The following RANBP9 variants were observed in gnomAD, a reference collection of about 807,000 sequenced individuals.
RANBP9 encodes RAN binding protein 9, also known as ran-binding protein 9.
Under a neutral mutation model 84.3 loss-of-function variants are expected in RANBP9, and 15 were observed. The ratio of observed to expected loss-of-function variants is 0.18; its 90% CI spans 0.12 to 0.27. The LOEUF (loss-of-function observed/expected upper bound fraction) is 0.27, where lower values mean the gene tolerates loss of function less well. Among genes scored for constraint, RANBP9 ranks in the 10% least tolerant of loss-of-function variants. The probability of loss-of-function intolerance (pLI) is 1.00; values close to 1 mark genes in which losing one functional copy is unlikely to be tolerated. For synonymous variants in RANBP9, 392 were observed against 349.6 expected, an observed-to-expected ratio of 1.12 and a Z score of -1.35; for missense variants, 809 against 912.8, an observed-to-expected ratio of 0.89 and a Z score of 1.46.
At chr6:13,634,746 C>A (rs909934861) in intron 10 of RANBP9, among the ~76,000 whole-genome samples, 194 bp from the exon 11 acceptor site, 1 of 152,072 alleles carries the variant, frequency 6.6e-6, no homozygotes, top group Non-Finnish European at 1.5e-5. Context: ...CAAATTTGTA[C>A]CCCCGGAGGT....
chr6:13,682,275 C>T (rs916091297), intron 2 of RANBP9, among the ~76,000 whole-genome samples: 1 of 151,494 alleles, frequency 6.6e-6, no homozygotes, highest in African/African-American at 2.4e-5. Flanking sequence ...GTAAGTGAAA[C>T]TAGTATATAT....
At chr6:13,702,165 G>C (rs970975957) in intron 1 of RANBP9, among the ~76,000 whole-genome samples, 4 of 152,188 alleles carry the variant, frequency 2.6e-5, no homozygotes, top group Admixed American at 6.5e-5. Context: ...TAACAAGGCT[G>C]GGCGCAGTGG....
chr6:13,700,218 C>T (rs562686625), intron 1 of RANBP9, among the ~76,000 whole-genome samples: 2 of 152,170 alleles, frequency 1.3e-5, no homozygotes, highest in Non-Finnish European at 2.9e-5. Context: ...CCCTTCCAGT[C>T]GCCAACATGC....
At chr6:13,673,805 T>C (rs1759199111) in intron 2 of RANBP9, among the ~76,000 whole-genome samples, 1 of 152,060 alleles carries the variant, frequency 6.6e-6, no homozygotes, top group Non-Finnish European at 1.5e-5. Context: ...AATCAGACAA[T>C]GGGCTAGGCA....
chr6:13,702,512 T>G (rs548376785), intron 1 of RANBP9, among the ~76,000 whole-genome samples: 1 of 152,196 alleles, frequency 6.6e-6, no homozygotes, highest in African/African-American at 2.4e-5. Flanking sequence ...AATATAGTAT[T>G]TTCATTTAAT....
intron 1 of RANBP9, among the ~76,000 whole-genome samples, chr6:13,710,261 A>C (rs1758239234): frequency 6.6e-6 from 1 of 152,182 alleles, no homozygotes. Context: ...TTCATGTGAT[A>C]TCAACACCTA....
At chr6:13,641,356 A>G (rs1471216823) in intron 7 of RANBP9, 49 bp from the exon 8 acceptor site, 1 of 1,160,156 alleles carries the variant, frequency 8.6e-7, no homozygotes, top group African/African-American at 1.6e-5. Context: ...AAGTAGATAA[A>G]ACATAAACTT....
intron 10 of RANBP9, among the ~76,000 whole-genome samples, chr6:13,635,832 C>CA (rs1336424484): frequency 2.0e-5 from 3 of 148,374 alleles, no homozygotes; most frequent in African/African-American, 7.4e-5. Context: ...TTTGATAACT[C>CA]AGTTTAGTAT....
At chr6:13,687,326 A>T (rs1766213383) in intron 2 of RANBP9, among the ~76,000 whole-genome samples, 1 of 152,124 alleles carries the variant, frequency 6.6e-6, no homozygotes, top group African/African-American at 2.4e-5. Flanking sequence ...CATCTTCTTT[A>T]AAGATCCACT....
chr6:13,634,533 T>C lies in RANBP9; in HGVS notation c.1693A>G (p.Thr565Ala). The C allele has an allele frequency of 6.2e-7, 1 of 1,610,866 alleles. No individual in the cohort carries two copies. The highest frequency in any genetic ancestry group is 8.5e-7 in the Non-Finnish European group (1 of 1,178,028). Residue 565 changes from threonine (T) to alanine (A), a missense_variant, in exon 11 of 14, where the codon ACA (threonine) becomes GCA (alanine). This residue lies in a region of RANBP9 where 233 missense variants were observed against 234.4 expected (regional missense o/e 0.99). Transcript: ENST00000011619. ...CCAACTCCATTGGAGTAGTGATCTG[T>C]TTCCATGTCTACATCATTACTGAAA... The part of the protein sequence containing the change: ...NFTSNDVDME[T>A]DHYSNGVGET...
In RANBP9 at chr6:13,697,791, C is replaced by G. The variant is rs143438869; in HGVS notation, c.572-895G>C. On this transcript the variant is annotated intron_variant, in intron 1 of 13. Transcript: ENST00000011619. The stretch of plus-strand genomic sequence containing the variant: ...AAGTACTCATAGAGTATGAGTGAGA[C>G]AAGTCTCCATATCCCCAAAAGGACT... Among the ~76,000 whole-genome samples, 507 of 152,296 alleles carry G rather than the reference C, an allele frequency of 3.3e-3. 2 individuals are homozygous for G. Among genetic ancestry groups the G allele is most frequent in the African/African-American group, 0.012 (493 of 41,554 alleles).
intron 4 of RANBP9, among the ~76,000 whole-genome samples, chr6:13,654,080 C>CA (rs1765350790): frequency 1.3e-5 from 2 of 152,004 alleles, no homozygotes. Flanking sequence ...CTATCTTTAG[C>CA]AAAAATCCTT....
At chr6:13,666,728 A>C (rs1765658639) in intron 2 of RANBP9, among the ~76,000 whole-genome samples, 2 of 151,402 alleles carry the variant, frequency 1.3e-5, no homozygotes, top group Non-Finnish European at 2.9e-5. Flanking sequence ...GTACTACTGC[A>C]CTCCAGTCTG....
At chr6:13,653,916 C>T (rs1347889678) in intron 4 of RANBP9, among the ~76,000 whole-genome samples, 1 of 151,472 alleles carries the variant, frequency 6.6e-6, no homozygotes, top group African/African-American at 2.4e-5. Flanking sequence ...TACTATCAGC[C>T]CAAATAAAAA....
chr6:13,639,694 C>A lies in RANBP9; in HGVS notation c.1394G>T (p.Gly465Val). ...ACTGTCTTGAGACTTTGGACTTCGG[C>A]CTCCCAAACATCGTACTTCACTATC... is the stretch of plus-strand genomic sequence containing the variant. ...GTDSEVRCLG[G>V]RSPKSQDSYP... The change falls in exon 9 of 14, where the codon GGC becomes GTC. Residue 465 changes from glycine to valine, a missense_variant. Around this residue, in one of 5 missense-constraint regions of RANBP9, gnomAD observed 216 missense variants for 329.0 expected, o/e 0.66. Transcript: ENST00000011619. 2 of 1,614,048 alleles carry A rather than the reference C, an allele frequency of 1.2e-6. No homozygotes were observed. Among genetic ancestry groups the A allele is most frequent in the Non-Finnish European group, 1.7e-6 (2 of 1,179,948 alleles).
intron 11 of RANBP9, among the ~76,000 whole-genome samples, chr6:13,633,126 C>T (rs767114163): frequency 1.3e-5 from 2 of 152,102 alleles, no homozygotes; most frequent in African/African-American, 2.4e-5. Flanking sequence ...CCTCTGCCTC[C>T]CAGGTTCAAG....
intron 4 of RANBP9, among the ~76,000 whole-genome samples, chr6:13,656,797 T>C (rs1236977579): frequency 1.3e-5 from 2 of 152,314 alleles, no homozygotes; most frequent in East Asian, 1.9e-4. Context: ...AATTAGATTA[T>C]ACTGTGTAGC....
chr6:13,653,170 A>C (rs1765333084), intron 4 of RANBP9, among the ~76,000 whole-genome samples: 1 of 152,198 alleles, frequency 6.6e-6, no homozygotes, highest in Admixed American at 6.5e-5. Context: ...TGCTTCTTTA[A>C]AAAATGTTTC....
intron 12 of RANBP9, among the ~76,000 whole-genome samples, chr6:13,632,010 C>T (rs2127761338): frequency 6.6e-6 from 1 of 152,140 alleles, no homozygotes; most frequent in Non-Finnish European, 1.5e-5. Flanking sequence ...ATCTGCACGC[C>T]CACATTGCTC....
Sources: gnomAD v4.1 joint callset for allele counts (sites outside exome capture counted in the v4.1 genomes callset) on GRCh38, gnomAD v4.1.1 for gene constraint, gnomAD v4.1.1 regional missense constraint, MANE v1.5 for transcripts, NCBI Gene and HGNC (gene_info 2026-07-23, HGNC 2026-07-21) for gene names.